ECE1: variants seen among roughly 807,000 people sequenced by gnomAD.
ECE1 encodes the protein endothelin converting enzyme 1, also known as endothelin-converting enzyme 1.
In ECE1, 35 loss-of-function variants were observed where a neutral mutation model predicts 98.6. That is an observed-to-expected ratio of 0.35 (90% confidence interval 0.27 to 0.47). ECE1 has a LOEUF of 0.47. Among genes scored for constraint, ECE1 ranks in the 20% least tolerant of loss-of-function variants. ECE1 has a pLI of 1.00. For missense variants in ECE1, 814 were observed against 1,025.3 expected, an observed-to-expected ratio of 0.79 and a Z score of 2.81; for synonymous variants, 394 against 407.1, an observed-to-expected ratio of 0.97 and a Z score of 0.39.
Position 21,327,802 on chromosome 1 carries a change from G to A in ECE1, c.3+17574C>T, listed in dbSNP as rs1375544296. Among the ~76,000 whole-genome samples the A allele has an allele frequency of 1.3e-5, 2 of 152,190 alleles. No homozygotes were observed. Among genetic ancestry groups the A allele is most frequent in the South Asian group, 2.1e-4 (1 of 4,830 alleles). ...CGGGCCGCACAGCAGGAGGTGAGCT[G>A]TGGGTGGACATTACCGCCTGAGCTC... is the stretch of plus-strand genomic sequence containing the variant. On this transcript the variant is annotated intron_variant, in intron 1 of 18. Transcript: ENST00000415912. The surrounding 1 kb of genome is among the most constrained non-coding windows in gnomAD (Gnocchi z 4.6).
intron 13 of ECE1, among the ~76,000 whole-genome samples, chr1:21,234,325 AAATTT>A (rs1197708239): frequency 6.6e-6 from 1 of 151,328 alleles, no homozygotes; most frequent in East Asian, 1.9e-4. Flanking sequence ...TGTGGCTTTT[AAATTT>A]AATTTAAACT....
intron 3 of ECE1, among the ~76,000 whole-genome samples, chr1:21,275,393 G>A (rs575180010): frequency 2.0e-5 from 3 of 152,152 alleles, no homozygotes; most frequent in Admixed American, 6.5e-5. Flanking sequence ...TCAGGAGTTC[G>A]AGACCAGCCT....
intron 1 of ECE1, among the ~76,000 whole-genome samples, chr1:21,330,226 CTTTTTTTTTT>C (rs71014186): frequency 9.2e-5 from 4 of 43,376 alleles, no homozygotes; most frequent in Non-Finnish European, 1.5e-4. Context: ...TCGCCAAATA[CTTTTTTTTTT>C]TTTTTTTTTT....
At chr1:21,298,328 T>C (rs904888037) in intron 1 of ECE1, 4 of 187,032 alleles carry the variant, frequency 2.1e-5, no homozygotes, top group Non-Finnish European at 4.6e-5. Flanking sequence ...TCTCTCGGGC[T>C]TCGCAGTGAC....
intron 11 of ECE1, 60 bp from the exon 12 acceptor site, chr1:21,236,904 G>C (rs565277247): frequency 6.9e-7 from 1 of 1,439,524 alleles, no homozygotes; most frequent in South Asian, 1.1e-5. Flanking sequence ...AAATGCAACA[G>C]GCACCCCGTG....
chr1:21,284,134 C>G (rs2098258083), intron 2 of ECE1, among the ~76,000 whole-genome samples: 1 of 152,222 alleles, frequency 6.6e-6, no homozygotes, highest in African/African-American at 2.4e-5. Flanking sequence ...TCTTTGCATC[C>G]CTGTCGCACC....
intron 4 of ECE1, among the ~76,000 whole-genome samples, chr1:21,271,594 C>A (rs1295130463): frequency 1.3e-5 from 2 of 152,144 alleles, no homozygotes; most frequent in African/African-American, 4.8e-5. Flanking sequence ...CAGAGGGAGA[C>A]AGCCATGGTC....
chr1:21,312,553 G>A (rs1401384862), intron 1 of ECE1, among the ~76,000 whole-genome samples: 1 of 152,184 alleles, frequency 6.6e-6, no homozygotes, highest in Non-Finnish European at 1.5e-5. Context: ...GGAGGTCAAG[G>A]TTACTGTGAG....
At chr1:21,312,320 C>T (rs1638744088) in intron 1 of ECE1, among the ~76,000 whole-genome samples, 1 of 150,706 alleles carries the variant, frequency 6.6e-6, no homozygotes, top group Admixed American at 6.6e-5. Context: ...CACCTGTAGT[C>T]CCAGCTACTC....
At chr1:21,230,876 C>T (rs1271658291) in intron 14 of ECE1, among the ~76,000 whole-genome samples, 2 of 152,056 alleles carry the variant, frequency 1.3e-5, no homozygotes, top group African/African-American at 2.4e-5. Flanking sequence ...AGGGCCAGTG[C>T]AGTGGCAATG....
chr1:21,238,098 G>C, intron 11 of ECE1, 36 bp downstream of exon 11: 1 of 1,586,812 alleles, frequency 6.3e-7, no homozygotes, highest in Non-Finnish European at 8.7e-7. Context: ...CAACAAGTGT[G>C]ACCTCACAGC....
intron 1 of ECE1, among the ~76,000 whole-genome samples, chr1:21,338,883 C>T (rs1440576816): frequency 6.6e-6 from 1 of 152,232 alleles, no homozygotes; most frequent in East Asian, 1.9e-4. Flanking sequence ...TGTAACCTAA[C>T]TCTGCCTGGC....
chr1:21,249,687 A>T (rs1447402667), intron 8 of ECE1, among the ~76,000 whole-genome samples: 1 of 152,154 alleles, frequency 6.6e-6, no homozygotes, highest in Non-Finnish European at 1.5e-5. Context: ...GCCTCAGAAA[A>T]AAAAGAGCAC....
chr1:21,290,171 G>A lies in ECE1; in HGVS notation c.52-15C>T. On this transcript the variant is annotated splice_polypyrimidine_tract_variant and intron_variant, in intron 1 of 18. Transcript: ENST00000374893. This position sits in a 1 kb window ranked among gnomAD's most constrained non-coding sequence, Gnocchi z 7.3. Reference sequence around the variant, plus strand: ...TACGTCGACATCTGCAAGGCCAAATGCAGCACGGACTCCCTCAGCGCCTCC... The same window carrying A: ...TACGTCGACATCTGCAAGGCCAAATACAGCACGGACTCCCTCAGCGCCTCC... 6.5e-7 allele frequency: 1 copy of A among 1,550,144 alleles called. No homozygotes were observed. Among genetic ancestry groups the A allele is most frequent in the South Asian group, 1.2e-5 (1 of 83,616 alleles).
rs764451693 is a variant in ECE1 at position 21,247,208 on chromosome 1, G to C, written c.1163+13C>G. On this transcript the variant is annotated intron_variant, in intron 9 of 18. Transcript: ENST00000374893. ...GTGAGAGGCGTGCCCCAGGCCACTGGGGGTCCTCTTACCATCTGTCGGTGG... is the reference window on the plus strand; with the variant it reads ...GTGAGAGGCGTGCCCCAGGCCACTGCGGGTCCTCTTACCATCTGTCGGTGG... 1.9e-6 allele frequency: 3 copies of C among 1,614,160 alleles called. No individual in the cohort carries two copies. In the Admixed American group the frequency reaches 5.0e-5, roughly 27 times the overall value.
At chr1:21,228,109 A>G (rs2098176835) in intron 14 of ECE1, 68 bp from the exon 15 acceptor site, 1 of 1,305,372 alleles carries the variant, frequency 7.7e-7, no homozygotes, top group Admixed American at 2.1e-5. Context: ...GCCTGCCTGG[A>G]GCGCTGCTTG....
chr1:21,319,115 T>A lies in ECE1; in HGVS notation c.3+26261A>T, dbSNP rs1317198602. Among the ~76,000 whole-genome samples, 1 of 152,060 alleles carries A rather than the reference T, an allele frequency of 6.6e-6. No homozygotes were observed. The highest frequency in any genetic ancestry group is 1.5e-5 in the Non-Finnish European group (1 of 68,002). ...ATCCAAGCACTTTGGGAAGCCAAGG[T>A]GGGTGGATTGCCTGAGCTTAGGAGT... On this transcript the variant is annotated intron_variant, in intron 1 of 18. Coordinates refer to the ECE1 transcript ENST00000415912. This position sits in a 1 kb window ranked among gnomAD's most constrained non-coding sequence, Gnocchi z 4.4.
rs1316409566 is a variant in ECE1, at chr1:21,258,818, C to T, written c.637G>A (p.Gly213Ser). The stretch of plus-strand genomic sequence containing the variant: ...TGGAAGTTGTCCTTGGCCCAGGGAC[C>T]TGTGATGTTCCAGCCCCCGAGCTGT... ...IERLGGWNIT[G>S]PWAKDNFQDT... Residue 213 changes from glycine to serine, a missense_variant, in exon 6 of 19, where the codon GGT becomes AGT. Gly to Ser is a moderately conservative substitution (Grantham distance 56, BLOSUM62 0). Transcript: ENST00000374893. The surrounding 1 kb of genome is among the most constrained non-coding windows in gnomAD (Gnocchi z 4.2). The T allele has an allele frequency of 5.0e-6, 8 of 1,614,154 alleles. No homozygotes were observed. The highest frequency in any genetic ancestry group is 3.3e-5 in the Admixed American group (2 of 60,026).
In ECE1 at chr1:21,225,588, G is replaced by A; in HGVS notation, c.1850-148C>T. 1 of 885,528 alleles carries A rather than the reference G, an allele frequency of 1.1e-6. No individual in the cohort carries two copies. The highest frequency in any genetic ancestry group is 2.4e-5 in the Admixed American group (1 of 42,326). 54.9% of individuals were successfully genotyped at this position (885,528 alleles called of 1,614,324 possible). Reference sequence around the variant, plus strand: ...GAGACGAGGTCCCTGTGAGTGCCGAGGGACGTGGATGTGGTGGCCAGTCAG... The same window carrying A: ...GAGACGAGGTCCCTGTGAGTGCCGAAGGACGTGGATGTGGTGGCCAGTCAG... On this transcript the variant is annotated intron_variant, in intron 16 of 18. Coordinates refer to ENST00000374893, the MANE Select transcript of ECE1 (RefSeq NM_001397.3). This position sits in a 1 kb window ranked among gnomAD's most constrained non-coding sequence, Gnocchi z 5.3.
Sources: gnomAD v4.1 joint callset for allele counts (sites outside exome capture counted in the v4.1 genomes callset) on GRCh38, gnomAD v4.1.1 for gene constraint, Gnocchi (gnomAD v3.1) non-coding constraint, MANE v1.5 for transcripts, NCBI Gene and HGNC (gene_info 2026-07-23, HGNC 2026-07-21) for gene names.